Variants in REDIC1 observed in about 807,000 individuals in gnomAD.
The protein encoded by REDIC1 is HEI10 Interacting Protein 1.
the REDIC1 span, among the ~76,000 whole-genome samples, chr12:39,891,663 C>A: frequency 6.6e-6 from 1 of 152,064 alleles, no homozygotes; most frequent in Non-Finnish European, 1.5e-5. Context: ...GTATGTATTA[C>A]TATTGCAATT....
the REDIC1 span, among the ~76,000 whole-genome samples, chr12:39,637,077 C>T: frequency 5.9e-5 from 9 of 151,706 alleles, no homozygotes; most frequent in African/African-American, 2.2e-4. Context: ...TCTCCTTTCT[C>T]TCCTTTCTCT....
At chr12:39,815,983 A>G in the REDIC1 span, among the ~76,000 whole-genome samples, 2 of 152,200 alleles carry the variant, frequency 1.3e-5, no homozygotes, top group East Asian at 3.8e-4. Context: ...AAGAAATTCA[A>G]TTAGATGTTC....
the REDIC1 span, among the ~76,000 whole-genome samples, chr12:39,693,844 G>T: frequency 2.6e-5 from 4 of 152,222 alleles, no homozygotes; most frequent in Admixed American, 2.6e-4. Flanking sequence ...AAATATGCTG[G>T]TATTTGATGG....
chr12:39,678,901 CTT>C, the REDIC1 span, among the ~76,000 whole-genome samples: 1 of 152,062 alleles, frequency 6.6e-6, no homozygotes, highest in Non-Finnish European at 1.5e-5. Context: ...TCTAGTATCA[CTT>C]TATGATTAAA....
chr12:39,745,349 T>C, the REDIC1 span, among the ~76,000 whole-genome samples: 1 of 152,220 alleles, frequency 6.6e-6, no homozygotes, highest in Admixed American at 6.5e-5. Flanking sequence ...AAATAAACAA[T>C]AAAGGGTACT....
chr12:39,703,402 G>T, the REDIC1 span, among the ~76,000 whole-genome samples: 1 of 149,614 alleles, frequency 6.7e-6, no homozygotes, highest in Admixed American at 6.7e-5. Flanking sequence ...TCTTCAAGGT[G>T]AACTACAAAC....
chr12:39,675,308 C>T, the REDIC1 span, among the ~76,000 whole-genome samples: 2 of 152,156 alleles, frequency 1.3e-5, no homozygotes, highest in African/African-American at 2.4e-5. Context: ...TCTAACTCTG[C>T]CCTTACCTGA....
the REDIC1 span, among the ~76,000 whole-genome samples, chr12:39,630,787 G>A: frequency 6.6e-6 from 1 of 152,146 alleles, no homozygotes; most frequent in African/African-American, 2.4e-5. Context: ...GCATATGTCT[G>A]CTTGATGGTG....
chr12:39,663,088 T>C, the REDIC1 span, among the ~76,000 whole-genome samples: 46 of 152,102 alleles, frequency 3.0e-4, no homozygotes, highest in African/African-American at 1.1e-3. Context: ...AATTTTCTTT[T>C]TGTTGTATCC....
chr12:39,851,593 TG>T, the REDIC1 span, among the ~76,000 whole-genome samples: 2 of 152,190 alleles, frequency 1.3e-5, no homozygotes, highest in African/African-American at 2.4e-5. Context: ...CCATGCTAAA[TG>T]CCAAGGAGTA....
the REDIC1 span, among the ~76,000 whole-genome samples, chr12:39,812,838 T>TTA: frequency 7.1e-6 from 1 of 141,660 alleles, no homozygotes; most frequent in Admixed American, 7.0e-5. Flanking sequence ...GTATTACCTT[T>TTA]TTTTTTTTTT....
At chr12:39,838,828 C>T in the REDIC1 span, among the ~76,000 whole-genome samples, 92 of 152,002 alleles carry the variant, frequency 6.1e-4, no homozygotes, top group Non-Finnish European at 1.2e-3. Context: ...GTGAACTCAG[C>T]CCTCTGCAAA....
the REDIC1 span, chr12:39,650,191 A>C: frequency 6.8e-7 from 1 of 1,463,020 alleles, no homozygotes; most frequent in Non-Finnish European, 9.1e-7. The surrounding 1 kb of genome is among the most constrained non-coding windows in gnomAD (Gnocchi z 4.3). Flanking sequence ...TAAATTGTAT[A>C]TATGTACATT....
the REDIC1 span, among the ~76,000 whole-genome samples, chr12:39,820,961 G>A: frequency 6.6e-6 from 1 of 151,586 alleles, no homozygotes; most frequent in African/African-American, 2.4e-5. Flanking sequence ...AACCTTAACA[G>A]CTCTCTACTT....
chr12:39,845,694 T>C, the REDIC1 span, among the ~76,000 whole-genome samples: 1 of 152,154 alleles, frequency 6.6e-6, no homozygotes, highest in Admixed American at 6.5e-5. Context: ...GATAGCATCA[T>C]GTCCTCTGAT....
At chr12:39,810,189 CTTAG>C in the REDIC1 span, among the ~76,000 whole-genome samples, 1 of 152,144 alleles carries the variant, frequency 6.6e-6, no homozygotes, top group Non-Finnish European at 1.5e-5. Context: ...GTGTGATCTA[CTTAG>C]TTAGATCTTC....
the REDIC1 span, among the ~76,000 whole-genome samples, chr12:39,671,732 C>A: frequency 6.6e-6 from 1 of 151,902 alleles, no homozygotes; most frequent in Non-Finnish European, 1.5e-5. Flanking sequence ...TGGGTGCTGG[C>A]AGTGGTGGTA....
the REDIC1 span, among the ~76,000 whole-genome samples, chr12:39,730,177 A>G: frequency 1.4e-3 from 218 of 152,228 alleles, no homozygotes; most frequent in African/African-American, 4.9e-3. Flanking sequence ...TAATATTGTT[A>G]TGTGTGAATT....
chr12:39,879,362 AC>A, the REDIC1 span, among the ~76,000 whole-genome samples: 2 of 152,084 alleles, frequency 1.3e-5, no homozygotes, highest in African/African-American at 2.4e-5. Flanking sequence ...GGCAGCTTGC[AC>A]CCTGCGTCTG....
Sources: allele counts gnomAD v4.1 joint callset (sites outside exome capture counted in the v4.1 genomes callset), GRCh38; gene constraint gnomAD v4.1.1; non-coding constraint Gnocchi (gnomAD v3.1); transcripts MANE v1.5; gene names NCBI Gene and HGNC (gene_info 2026-07-23, HGNC 2026-07-21).